Variants in UBR3 observed in about 807,000 individuals in gnomAD.
UBR3 encodes E3 ubiquitin-protein ligase UBR3.
Under a neutral mutation model 243.2 loss-of-function variants are expected in UBR3, and 85 were observed. The ratio of observed to expected loss-of-function variants is 0.35; its 90% CI spans 0.29 to 0.42. The LOEUF is 0.42. Ranked by LOEUF, UBR3 falls within the 10% of genes least tolerant of loss-of-function variation. The pLI, the probability that UBR3 is intolerant of heterozygous loss-of-function variation, is 1.00. For synonymous variants in UBR3, 748 were observed against 799.8 expected, an observed-to-expected ratio of 0.94 and a Z score of 1.09; for missense variants, 1,686 against 2,300.8, an observed-to-expected ratio of 0.73 and a Z score of 5.47.
chr2:170,057,111 G>A (rs927508647), intron 33 of UBR3, among the ~76,000 whole-genome samples: 1 of 122,532 alleles, frequency 8.2e-6, no homozygotes, highest in African/African-American at 2.9e-5. Flanking sequence ...ATTATCTTTA[G>A]TTTTTTCTTT....
chr2:169,994,500 T>C (rs1559167885), intron 26 of UBR3, 44 bp downstream of exon 26: 2 of 1,562,684 alleles, frequency 1.3e-6, no homozygotes, highest in Admixed American at 3.4e-5. Context: ...GCCAAGTTGA[T>C]GGTTATTTCC....
rs563677158 is a variant in UBR3 at position 169,953,377 on chromosome 2, A to G, written c.3545+3312A>G. ...AAACACTTAATGAGGATCCATTTCC[A>G]AGTACTTCACCTTTAGACAAACTCA... On this transcript the variant is annotated intron_variant, in intron 23 of 38. Transcript: ENST00000272793. Among the ~76,000 whole-genome samples, 23 of 152,280 alleles carry G rather than the reference A, an allele frequency of 1.5e-4. No individual in the cohort carries two copies. In the South Asian group the frequency reaches 1.9e-3, roughly 12 times the overall value.
chr2:169,955,144 G>T (rs1354362854), intron 23 of UBR3, among the ~76,000 whole-genome samples: 3 of 152,196 alleles, frequency 2.0e-5, no homozygotes, highest in African/African-American at 7.2e-5. Flanking sequence ...GCTGTTATAT[G>T]ATTTCAATTT....
At chr2:169,871,553 G>C (rs1208170212) in intron 1 of UBR3, among the ~76,000 whole-genome samples, 4 of 151,826 alleles carry the variant, frequency 2.6e-5, no homozygotes, top group Non-Finnish European at 5.9e-5. Context: ...AGACCAGCCT[G>C]GCCAACCAAC....
intron 1 of UBR3, among the ~76,000 whole-genome samples, chr2:169,841,615 C>T (rs145415616): frequency 0.14 from 21,202 of 152,210 alleles, 2,018 homozygotes; most frequent in East Asian, 0.44. Context: ...CTTGGTGGGC[C>T]CTGCACTCGG....
At chr2:169,896,844 T>C in intron 8 of UBR3, 109 bp downstream of exon 8, 2 of 711,500 alleles carry the variant, frequency 2.8e-6, no homozygotes, top group South Asian at 4.5e-5. Context: ...TACTTAGTAT[T>C]ATTAATCATA....
chr2:169,874,047 G>A (rs1350691119), intron 2 of UBR3, among the ~76,000 whole-genome samples: 2 of 152,020 alleles, frequency 1.3e-5, no homozygotes, highest in African/African-American at 2.4e-5. Context: ...CTGAAAACAC[G>A]AAGGAAAAAA....
At chr2:169,928,565 A>G (rs1188110746) in intron 17 of UBR3, among the ~76,000 whole-genome samples, 162 bp from the exon 18 acceptor site, 1 of 152,304 alleles carries the variant, frequency 6.6e-6, no homozygotes, top group African/African-American at 2.4e-5. Context: ...AAAAACAGTT[A>G]TTATTGATCT....
At chr2:169,846,113 T>C (rs1341541553) in intron 1 of UBR3, among the ~76,000 whole-genome samples, 2 of 152,176 alleles carry the variant, frequency 1.3e-5, no homozygotes, top group African/African-American at 4.8e-5. Flanking sequence ...ATGTTCTTAC[T>C]GATTTTCTGT....
In UBR3 at chr2:169,925,686, T is replaced by C; in HGVS notation, c.2090T>C (p.Met697Thr). Residue 697 changes from methionine (M) to threonine (T), a missense_variant, in exon 14 of 39, where the codon ATG becomes ACG. By Grantham distance (81) the Met-to-Thr change is moderately conservative. Around this residue, in one of 8 missense-constraint regions of UBR3, gnomAD observed 346 missense variants for 585.8 expected, o/e 0.59. Coordinates refer to ENST00000272793, the MANE Select transcript of UBR3 (RefSeq NM_172070.4). ...GGTCTGCAAATCAAAGGACAAGCCA[T>C]GACGTATGTCCAGTCTCATTTCTGT... ...RNGLQIKGQAMTYVQSHFCNS... is the reference protein window; with the variant it reads ...RNGLQIKGQATTYVQSHFCNS... 1 of 1,551,244 alleles carries C rather than the reference T, an allele frequency of 6.4e-7. No individual in the cohort carries two copies. The highest frequency in any genetic ancestry group is 8.7e-7 in the Non-Finnish European group (1 of 1,146,706).
At chr2:169,894,311 C>A (rs1036742305) in intron 6 of UBR3, among the ~76,000 whole-genome samples, 1 of 106,324 alleles carries the variant, frequency 9.4e-6, no homozygotes, top group Non-Finnish European at 1.8e-5. Flanking sequence ...GAGTGAGACC[C>A]TGACTCTTAA....
rs748322148 is a variant in UBR3, at chr2:170,055,568, C to T, written c.4769C>T (p.Ala1590Val). The T allele has an allele frequency of 1.8e-5, 29 of 1,613,086 alleles. No individual in the cohort carries two copies. The highest frequency in any genetic ancestry group is 1.3e-4 in the South Asian group (12 of 91,048). The change falls in exon 33 of 39, where the codon GCG becomes GTG. Residue 1590 changes from alanine to valine, a missense_variant. Physicochemically the swap from Ala to Val is moderately conservative, Grantham distance 64. Around this residue, in one of 8 missense-constraint regions of UBR3, gnomAD observed 371 missense variants for 422.5 expected, o/e 0.88. Transcript: ENST00000272793. ...GAAGATAGGTCAGCCTGGAAACACG[C>T]GGGAGCTCTCAAAAAGGTTAGGCTC... ...SEEDRSAWKH[A>V]GALKKSTCDA... is the part of the protein sequence containing the mutation.
At chr2:169,857,805 A>G (rs2082942613) in intron 1 of UBR3, among the ~76,000 whole-genome samples, 2 of 152,136 alleles carry the variant, frequency 1.3e-5, no homozygotes, top group African/African-American at 2.4e-5. Context: ...CAGTGGCACT[A>G]TCATGGCTCA....
At chr2:169,838,316 C>T (rs1024320157) in intron 1 of UBR3, among the ~76,000 whole-genome samples, 2 of 151,586 alleles carry the variant, frequency 1.3e-5, no homozygotes, top group Non-Finnish European at 2.9e-5. Flanking sequence ...GCTGTTACAT[C>T]AGACGGAGTA....
intron 32 of UBR3, among the ~76,000 whole-genome samples, chr2:170,045,435 C>T (rs777495824): frequency 3.9e-5 from 6 of 152,026 alleles, no homozygotes; most frequent in Admixed American, 3.9e-4. Flanking sequence ...TGTTGCTGTT[C>T]TTGAGGAGCT....
intron 1 of UBR3, among the ~76,000 whole-genome samples, chr2:169,871,755 AAG>A (rs1553499503): frequency 1.3e-5 from 2 of 151,612 alleles, no homozygotes. Flanking sequence ...AAAAAAAAAA[AAG>A]AATATAAACA....
chr2:169,915,694 C>T (rs536257909), intron 11 of UBR3, among the ~76,000 whole-genome samples: 47 of 152,170 alleles, frequency 3.1e-4, no homozygotes, highest in Admixed American at 6.5e-4. Context: ...AATGATGTTC[C>T]CTTTGATCAC....
chr2:169,855,936 G>A (rs975924264), intron 1 of UBR3, among the ~76,000 whole-genome samples: 17 of 150,462 alleles, frequency 1.1e-4, no homozygotes, highest in South Asian at 2.1e-4. Flanking sequence ...AGGCAGAGGC[G>A]CCCCCCACCT....
At chr2:170,053,329 A>C (rs1249167671) in intron 32 of UBR3, among the ~76,000 whole-genome samples, 1 of 152,218 alleles carries the variant, frequency 6.6e-6, no homozygotes, top group Non-Finnish European at 1.5e-5. Context: ...GCATGACCCC[A>C]GTAAAAACCT....
Sources: gnomAD v4.1 joint callset for allele counts (sites outside exome capture counted in the v4.1 genomes callset) on GRCh38, gnomAD v4.1.1 for gene constraint, gnomAD v4.1.1 regional missense constraint, MANE v1.5 for transcripts, NCBI Gene and HGNC (gene_info 2026-07-23, HGNC 2026-07-21) for gene names.